NLGN1: variants seen among roughly 807,000 people sequenced by gnomAD.
The protein encoded by NLGN1 is neuroligin 1.
A neutral mutation model predicts 65.5 loss-of-function variants in NLGN1; 12 were observed. The observed-to-expected ratio is 0.18, with a 90% CI of 0.12 to 0.30. The LOEUF (loss-of-function observed/expected upper bound fraction) is 0.30, where lower values mean the gene tolerates loss of function less well. Ranked by LOEUF, NLGN1 falls within the 10% of genes least tolerant of loss-of-function variation. NLGN1 has a pLI of 1.00. For missense variants in NLGN1, 750 were observed against 1,007.1 expected (o/e 0.74, Z 3.46); for synonymous variants, 350 against 359.5 (o/e 0.97, Z 0.30).
rs182733433 is a variant in NLGN1 at position 173,452,376 on chromosome 3, C to T, written c.-321+17298C>T. ...ATTTTTTGTATTTTTTTGGTAGAGA[C>T]GGGGTTTCATCGTGTTAGCTAGGAT... On this transcript the variant is annotated intron_variant, in intron 2 of 6. Coordinates refer to ENST00000457714, the Ensembl canonical transcript of NLGN1. Among the ~76,000 whole-genome samples the T allele has an allele frequency of 3.2e-3, 489 of 152,096 alleles. 2 individuals are homozygous for T. The highest frequency in any genetic ancestry group is 0.014 in the Middle Eastern group (4 of 294).
intron 3 of NLGN1, among the ~76,000 whole-genome samples, chr3:173,694,104 C>T (rs1197432967): frequency 1.3e-5 from 2 of 151,956 alleles, no homozygotes; most frequent in Non-Finnish European, 1.5e-5. Flanking sequence ...GCAATGAGAC[C>T]GACCAGCTCT....
Position 174,280,763 on chromosome 3 carries a change from A to G in NLGN1, c.1932A>G (p.Val644=), listed in dbSNP as rs1363097780. The G allele has an allele frequency of 6.2e-7, 1 of 1,613,240 alleles. No homozygotes were observed. Among genetic ancestry groups the G allele is most frequent in the Non-Finnish European group, 8.5e-7 (1 of 1,179,550 alleles). ...TCAGACCTACGAGAAAAAATTCTGT[A>G]CCTGTCACGTCAGCCTTTCCCACTG... Residue 644 remains valine (V), a synonymous_variant, in exon 7 of 7, where the codon GTA becomes GTG. Transcript: ENST00000457714. This position sits in a 1 kb window ranked among gnomAD's most constrained non-coding sequence, Gnocchi z 4.9.
At chr3:174,271,166 A>AAATT (rs1373606710) in intron 4 of NLGN1, among the ~76,000 whole-genome samples, 5 of 151,852 alleles carry the variant, frequency 3.3e-5, no homozygotes, top group African/African-American at 1.2e-4. Context: ...GTGTTTCTAG[A>AAATT]AATTAACAAC....
intron 3 of NLGN1, among the ~76,000 whole-genome samples, chr3:173,732,246 A>G (rs1232744371): frequency 6.6e-6 from 1 of 152,114 alleles, no homozygotes; most frequent in African/African-American, 2.4e-5. Flanking sequence ...ACACATTCTT[A>G]ATTATAATGG....
At chr3:174,154,934 A>AT (rs555209374) in intron 4 of NLGN1, among the ~76,000 whole-genome samples, 21,214 of 108,768 alleles carry the variant, frequency 0.2, 3,379 homozygotes, top group African/African-American at 0.39. Context: ...TTTAATTTAT[A>AT]TTTTATATAT....
intron 3 of NLGN1, among the ~76,000 whole-genome samples, chr3:173,671,799 G>A (rs537674617): frequency 6.6e-6 from 1 of 152,318 alleles, no homozygotes; most frequent in South Asian, 2.1e-4. Flanking sequence ...CTAGAGATCA[G>A]TGCTCCAATG....
chr3:173,708,297 C>T (rs1220452613), intron 3 of NLGN1, among the ~76,000 whole-genome samples: 1 of 152,164 alleles, frequency 6.6e-6, no homozygotes, highest in African/African-American at 2.4e-5. Flanking sequence ...CTGCATCCGA[C>T]CTTGGCTGAA....
chr3:173,954,153 T>A (rs1431409686), intron 4 of NLGN1, among the ~76,000 whole-genome samples: 5 of 151,202 alleles, frequency 3.3e-5, no homozygotes, highest in Non-Finnish European at 5.9e-5. Context: ...GAAAAAAAAA[T>A]GCGTATGTTT....
chr3:174,204,996 A>G (rs1735136150), intron 4 of NLGN1, among the ~76,000 whole-genome samples: 1 of 152,306 alleles, frequency 6.6e-6, no homozygotes, highest in South Asian at 2.1e-4. Flanking sequence ...AACTAGTCAC[A>G]TGATCACAGG....
intron 4 of NLGN1, among the ~76,000 whole-genome samples, chr3:174,179,939 A>C (rs895818182): frequency 2.0e-5 from 3 of 152,120 alleles, no homozygotes; most frequent in African/African-American, 7.2e-5. Flanking sequence ...GTTAATCGTT[A>C]ATGGTGCCCC....
intron 4 of NLGN1, among the ~76,000 whole-genome samples, chr3:174,263,940 T>C (rs1316014365): frequency 2.6e-5 from 4 of 151,262 alleles, no homozygotes; most frequent in Non-Finnish European, 5.9e-5. Flanking sequence ...CCTTCACTTA[T>C]GAAGCTTAGT....
intron 4 of NLGN1, among the ~76,000 whole-genome samples, chr3:174,016,019 G>A (rs1726485796): frequency 6.6e-6 from 1 of 152,110 alleles, no homozygotes. Context: ...TGGCAGACAA[G>A]GCAGAATTCT....
At chr3:173,754,303 A>G (rs924284518) in intron 3 of NLGN1, among the ~76,000 whole-genome samples, 2 of 151,880 alleles carry the variant, frequency 1.3e-5, no homozygotes, top group Non-Finnish European at 2.9e-5. Context: ...TGGGCTTCCA[A>G]AGTGCTGGGA....
chr3:174,259,163 A>T lies in NLGN1; in HGVS notation c.647-16152A>T, dbSNP rs147409792. ...TATGGAAAATAATCTAGTCTAGCCA[A>T]CATTCTTGCTAAATTATCTTGTCAT... On this transcript the variant is annotated intron_variant, in intron 4 of 6. Coordinates refer to ENST00000457714, the Ensembl canonical transcript of NLGN1. Among the ~76,000 whole-genome samples the T allele has an allele frequency of 3.6e-3, 551 of 152,288 alleles. 4 individuals are homozygous for T. The highest frequency in any genetic ancestry group is 0.013 in the African/African-American group (526 of 41,566).
chr3:173,881,549 C>T (rs377453100), intron 4 of NLGN1, among the ~76,000 whole-genome samples: 3 of 151,078 alleles, frequency 2.0e-5, no homozygotes, highest in Admixed American at 1.3e-4. Context: ...CTCAGCCTCC[C>T]GAGTAGCTGG....
chr3:173,826,951 T>C (rs532748726), intron 4 of NLGN1, among the ~76,000 whole-genome samples: 1 of 152,026 alleles, frequency 6.6e-6, no homozygotes, highest in Non-Finnish European at 1.5e-5. Context: ...AACAGAAACA[T>C]ATTTCATCAG....
intron 4 of NLGN1, among the ~76,000 whole-genome samples, chr3:174,219,697 T>A (rs1006813591): frequency 6.6e-6 from 1 of 152,106 alleles, no homozygotes; most frequent in African/African-American, 2.4e-5. Flanking sequence ...CACCGTTGTA[T>A]CCCCAATAGT....
At chr3:173,688,457 T>C (rs375403488) in intron 3 of NLGN1, among the ~76,000 whole-genome samples, 140 of 152,334 alleles carry the variant, frequency 9.2e-4, no homozygotes, top group Non-Finnish European at 1.7e-3. Flanking sequence ...CTGAGTGCTG[T>C]GTGCTTGGGC....
At chr3:173,787,183 G>A (rs541472321) in intron 3 of NLGN1, among the ~76,000 whole-genome samples, 3 of 152,082 alleles carry the variant, frequency 2.0e-5, no homozygotes, top group South Asian at 2.1e-4. Context: ...TTCTCTTAGT[G>A]TATTTAAAAT....
Sources: allele counts gnomAD v4.1 joint callset (sites outside exome capture counted in the v4.1 genomes callset), GRCh38; gene constraint gnomAD v4.1.1; non-coding constraint Gnocchi (gnomAD v3.1); transcripts MANE v1.5; gene names NCBI Gene and HGNC (gene_info 2026-07-23, HGNC 2026-07-21).